The following NRG1 variants were observed in gnomAD, a reference collection of about 807,000 sequenced individuals.
The protein encoded by NRG1 is neuregulin 1, also known as pro-neuregulin-1, membrane-bound isoform.
In NRG1, 18 loss-of-function variants were observed where a neutral mutation model predicts 63.8. The observed-to-expected ratio is 0.28, with a 90% CI of 0.19 to 0.42. The LOEUF (loss-of-function observed/expected upper bound fraction) is 0.42, where lower values mean the gene tolerates loss of function less well. NRG1 is among the 10% of genes least tolerant of loss of function. The pLI is 1.00. For synonymous variants in NRG1, 302 were observed against 301.3 expected (o/e 1.00, Z -0.02); for missense variants, 762 against 814.7 (o/e 0.94, Z 0.79).
chr8:32,380,880 C>G (rs888202435), intron 1 of NRG1, among the ~76,000 whole-genome samples: 8 of 152,104 alleles, frequency 5.3e-5, no homozygotes, highest in Non-Finnish European at 1.2e-4. Context: ...ATATCCATCA[C>G]CTTTTAAAAG....
At chr8:32,525,425 T>TGTGTA (rs1554572104) in intron 1 of NRG1, among the ~76,000 whole-genome samples, 59 of 151,542 alleles carry the variant, frequency 3.9e-4, no homozygotes, top group African/African-American at 1.2e-3. Context: ...TGTGTGTGTG[T>TGTGTA]GTGTAGTGTC....
At chr8:32,402,743 T>A (rs1361140120) in intron 1 of NRG1, among the ~76,000 whole-genome samples, 1 of 152,154 alleles carries the variant, frequency 6.6e-6, no homozygotes, top group African/African-American at 2.4e-5. Context: ...GTGAAAACTC[T>A]TAATAAGGAA....
At chr8:32,009,890 C>T (rs1386002436) in intron 1 of NRG1, among the ~76,000 whole-genome samples, 1 of 151,538 alleles carries the variant, frequency 6.6e-6, no homozygotes, top group Admixed American at 6.6e-5. Flanking sequence ...CCTCCCATCC[C>T]TCCCATCCTC....
At chr8:32,092,091 AAT>A (rs1829247199) in intron 1 of NRG1, among the ~76,000 whole-genome samples, 1 of 152,198 alleles carries the variant, frequency 6.6e-6, no homozygotes, top group Admixed American at 6.5e-5. Context: ...ACATTTAAAA[AAT>A]ATATGTTATT....
intron 1 of NRG1, among the ~76,000 whole-genome samples, chr8:32,124,107 C>T (rs975495541): frequency 9.2e-5 from 14 of 151,892 alleles, no homozygotes; most frequent in African/African-American, 3.4e-4. Flanking sequence ...TGAAATTTTG[C>T]ATAAATGACA....
chr8:32,559,443 C>A (rs1835921730), intron 1 of NRG1, among the ~76,000 whole-genome samples: 2 of 152,038 alleles, frequency 1.3e-5, no homozygotes, highest in Admixed American at 6.5e-5. Context: ...TGGAAGAAGT[C>A]ATTCTTTTTC....
chr8:31,955,175 C>T (rs327384), intron 1 of NRG1, among the ~76,000 whole-genome samples: 130,028 of 152,182 alleles, frequency 0.85, 56,394 homozygotes, highest in African/African-American at 0.96. Context: ...AATGGCAAAA[C>T]GGCAATTACT....
intron 1 of NRG1, among the ~76,000 whole-genome samples, chr8:31,857,472 C>T (rs1388613344): frequency 3.9e-5 from 6 of 152,326 alleles, no homozygotes; most frequent in East Asian, 1.9e-4. Context: ...TGCTTTGGCT[C>T]GCGCAGGGTA....
At chr8:32,657,846 C>G (rs1801890251) in intron 5 of NRG1, among the ~76,000 whole-genome samples, 1 of 152,126 alleles carries the variant, frequency 6.6e-6, no homozygotes, top group Non-Finnish European at 1.5e-5. Flanking sequence ...GGTTACTACT[C>G]TGATCTCTTT....
intron 1 of NRG1, among the ~76,000 whole-genome samples, chr8:32,129,138 ACT>A (rs1834475552): frequency 6.6e-6 from 1 of 151,922 alleles, no homozygotes; most frequent in Non-Finnish European, 1.5e-5. Flanking sequence ...CAGTGTTGTA[ACT>A]CTGGCAGCTA....
chr8:31,861,298 TAA>T (rs1223476475), intron 1 of NRG1, among the ~76,000 whole-genome samples: 1 of 152,182 alleles, frequency 6.6e-6, no homozygotes, highest in Non-Finnish European at 1.5e-5. Flanking sequence ...TCATTCAGAT[TAA>T]GTTTTGTGTT....
intron 1 of NRG1, among the ~76,000 whole-genome samples, chr8:31,710,049 T>G (rs1811585429): frequency 6.6e-6 from 1 of 151,890 alleles, no homozygotes; most frequent in Non-Finnish European, 1.5e-5. Flanking sequence ...AATTAAATGC[T>G]CTGAGTTTTC....
intron 1 of NRG1, among the ~76,000 whole-genome samples, chr8:31,989,449 C>T (rs1167463342): frequency 6.6e-6 from 1 of 151,768 alleles, no homozygotes; most frequent in East Asian, 2.0e-4. Context: ...CAGTTTGCAT[C>T]GTCTTCATAC....
intron 1 of NRG1, among the ~76,000 whole-genome samples, chr8:31,688,956 A>C (rs1477516894): frequency 6.6e-6 from 1 of 152,176 alleles, no homozygotes; most frequent in Non-Finnish European, 1.5e-5. Context: ...TTCAGGGGAC[A>C]ATCTGTTTTC....
intron 5 of NRG1, among the ~76,000 whole-genome samples, chr8:32,684,376 A>G (rs1809514555): frequency 6.6e-6 from 1 of 152,186 alleles, no homozygotes; most frequent in Non-Finnish European, 1.5e-5. Context: ...TTAAAATAAG[A>G]TGATTCTCCT....
chr8:32,321,122 A>G (rs1801330898), intron 1 of NRG1, among the ~76,000 whole-genome samples: 1 of 152,204 alleles, frequency 6.6e-6, no homozygotes, highest in Admixed American at 6.5e-5. Context: ...TTAAGATACC[A>G]TGAAAATTAC....
chr8:32,667,326 G>A (rs1476889135), intron 5 of NRG1, among the ~76,000 whole-genome samples: 3 of 152,130 alleles, frequency 2.0e-5, no homozygotes, highest in African/African-American at 4.8e-5. Flanking sequence ...TATATGGCAC[G>A]TGATGGTATA....
chr8:32,314,339 C>A (rs896156834), intron 1 of NRG1, among the ~76,000 whole-genome samples: 8 of 152,164 alleles, frequency 5.3e-5, no homozygotes, highest in Admixed American at 3.9e-4. Flanking sequence ...AAAGTGGAAA[C>A]ATGGATGTCT....
chr8:32,665,912 G>A (rs1359157169), intron 5 of NRG1, among the ~76,000 whole-genome samples: 1 of 152,150 alleles, frequency 6.6e-6, no homozygotes, highest in Non-Finnish European at 1.5e-5. Context: ...AAAAAAATTA[G>A]TAGGCTATTT....
Sources: gnomAD v4.1 joint callset for allele counts (sites outside exome capture counted in the v4.1 genomes callset) on GRCh38, gnomAD v4.1.1 for gene constraint, MANE v1.5 for transcripts, NCBI Gene and HGNC (gene_info 2026-07-23, HGNC 2026-07-21) for gene names.